EEF2K: variants seen among roughly 807,000 people sequenced by gnomAD.
The protein encoded by EEF2K is eukaryotic elongation factor 2 kinase.
EEF2K carries 70 observed loss-of-function variants against 93.8 expected under a neutral mutation model. The ratio of observed to expected loss-of-function variants is 0.75; its 90% CI spans 0.62 to 0.91. EEF2K has a LOEUF of 0.91. EEF2K is among the 40% of genes least tolerant of loss of function. EEF2K has a pLI of 0.00. For missense variants in EEF2K, 935 were observed against 972.9 expected (o/e 0.96, Z 0.52); for synonymous variants, 376 against 380.8 (o/e 0.99, Z 0.15).
intron 2 of EEF2K, among the ~76,000 whole-genome samples, chr16:22,228,006 C>CTTTTTT (rs1051682997): frequency 1.5e-3 from 118 of 80,040 alleles, no homozygotes; most frequent in Admixed American, 2.0e-3. Context: ...AAACCAAATT[C>CTTTTTT]TTTTTTTTTT....
At chr16:22,263,253 A>C in intron 12 of EEF2K, 66 bp downstream of exon 12, 1 of 1,467,742 alleles carries the variant, frequency 6.8e-7, no homozygotes, top group Non-Finnish European at 9.3e-7. Context: ...AGGAAAATGA[A>C]AACTCCCCTT....
chr16:22,226,748 CTTG>C (rs750353033), intron 2 of EEF2K, among the ~76,000 whole-genome samples: 156 of 152,170 alleles, frequency 1.0e-3, no homozygotes, highest in Non-Finnish European at 1.5e-3. Flanking sequence ...CGCCCAGCCA[CTTG>C]TTGTTAATTT....
chr16:22,237,685 C>T (rs760405171), intron 2 of EEF2K, among the ~76,000 whole-genome samples: 31 of 151,920 alleles, frequency 2.0e-4, no homozygotes, highest in Non-Finnish European at 4.1e-4. Flanking sequence ...TTGATTTACA[C>T]AGGCATTACC....
chr16:22,260,373 G>A (rs1222464845), intron 10 of EEF2K, 89 bp from the exon 11 acceptor site: 3 of 1,274,842 alleles, frequency 2.4e-6, no homozygotes, highest in African/African-American at 1.5e-5. Flanking sequence ...AGGCTTGGTG[G>A]CAGGTATGGA....
At chr16:22,253,747 A>AG (rs765444162) in intron 6 of EEF2K, among the ~76,000 whole-genome samples, 1 of 151,764 alleles carries the variant, frequency 6.6e-6, no homozygotes, top group Non-Finnish European at 1.5e-5. Flanking sequence ...CCCTAAAGGC[A>AG]GAGATTTTAT....
intron 6 of EEF2K, among the ~76,000 whole-genome samples, chr16:22,254,888 A>G (rs1442037096): frequency 6.6e-6 from 1 of 152,098 alleles, no homozygotes; most frequent in Non-Finnish European, 1.5e-5. Flanking sequence ...CCTGGCCAAC[A>G]TGGTAAAACC....
In EEF2K at chr16:22,225,797, A is replaced by G. The variant is rs9935059; in HGVS notation, c.68A>G (p.His23Arg). ...VDGGQSPRAG[H>R]DGDSDGDSDD... is the part of the protein sequence containing the mutation. ...GGCGGCCAGTCCCCCCGAGCTGGCC[A>G]TGATGGTGATTCTGATGGGGACAGC... The change falls in exon 2 of 18, where the codon CAT becomes CGT. Residue 23 changes from histidine (H) to arginine (R), a missense_variant. His to Arg is a conservative substitution (Grantham distance 29, BLOSUM62 0). Coordinates refer to ENST00000263026, the MANE Select transcript of EEF2K (RefSeq NM_013302.5). 170,202 of 1,614,050 alleles carry G rather than the reference A, an allele frequency of 0.11. 12,788 individuals are homozygous for G. The highest frequency in any genetic ancestry group is 0.31 in the African/African-American group (23,436 of 74,984).
intron 1 of EEF2K, among the ~76,000 whole-genome samples, chr16:22,207,845 T>G (rs1366252938): frequency 6.6e-6 from 1 of 151,998 alleles, no homozygotes; most frequent in Non-Finnish European, 1.5e-5. Context: ...GAATGCCCAC[T>G]GTGTGTGTAA....
chr16:22,241,413 G>A (rs2047220476), intron 2 of EEF2K, among the ~76,000 whole-genome samples: 1 of 152,090 alleles, frequency 6.6e-6, no homozygotes, highest in East Asian at 1.9e-4. Flanking sequence ...GGGAGGCCAA[G>A]GCGGGTGGAT....
chr16:22,264,003 G>T (rs1222033636), intron 12 of EEF2K, among the ~76,000 whole-genome samples: 1 of 151,948 alleles, frequency 6.6e-6, no homozygotes, highest in Non-Finnish European at 1.5e-5. Context: ...TGTGAATAAA[G>T]AACATGCTGG....
At chr16:22,251,033 T>C (rs1173035788) in intron 5 of EEF2K, 118 bp from the exon 6 acceptor site, 1 of 1,297,384 alleles carries the variant, frequency 7.7e-7, no homozygotes, top group Admixed American at 2.2e-5. Context: ...CTGCATTTTG[T>C]TCCTGCTGCC....
In EEF2K at chr16:22,263,122, A is replaced by T. The variant is rs1488450415; in HGVS notation, c.1312A>T (p.Ser438Cys). The change falls in exon 12 of 18, where the codon AGT (serine) becomes TGT (cysteine). Residue 438 changes from serine (S) to cysteine (C), a missense_variant. Physicochemically the swap from Ser to Cys is moderately radical, Grantham distance 112. Transcript: ENST00000263026. ...CTTCTCTCCACAGGAGTCTGAGAAT[A>T]GTGGGGACAGCGGATACCCCAGTGA... ...HLDNHRESEN[S>C]GDSGYPSEKR... is the part of the protein sequence containing the mutation. 1 of 1,612,118 alleles carries T rather than the reference A, an allele frequency of 6.2e-7. No homozygotes were observed. Among genetic ancestry groups the T allele is most frequent in the Admixed American group, 1.7e-5 (1 of 59,838 alleles).
At chr16:22,250,515 G>T in intron 4 of EEF2K, 139 bp from the exon 5 acceptor site, 1 of 988,614 alleles carries the variant, frequency 1.0e-6, no homozygotes, top group South Asian at 1.5e-5. Context: ...ATAGAAGGGA[G>T]ATCCCCAGGG....
intron 16 of EEF2K, among the ~76,000 whole-genome samples, chr16:22,276,989 C>T (rs912955604): frequency 2.0e-5 from 3 of 152,024 alleles, no homozygotes; most frequent in African/African-American, 4.8e-5. Context: ...CACTTAAACC[C>T]GGGAGGCAGA....
chr16:22,207,353 T>G (rs953781014), intron 1 of EEF2K, among the ~76,000 whole-genome samples: 1 of 151,956 alleles, frequency 6.6e-6, no homozygotes, highest in Admixed American at 6.5e-5. Flanking sequence ...AGGGGGACGG[T>G]CCCAGGGAGC....
chr16:22,258,943 A>T (rs2047436391), intron 10 of EEF2K: 2 of 425,518 alleles, frequency 4.7e-6, no homozygotes, highest in Non-Finnish European at 8.2e-6. Flanking sequence ...AGCAAAACCT[A>T]TATAATAAAT....
At chr16:22,213,417 C>A (rs1345340048) in intron 1 of EEF2K, among the ~76,000 whole-genome samples, 1 of 152,172 alleles carries the variant, frequency 6.6e-6, no homozygotes, top group Non-Finnish European at 1.5e-5. Flanking sequence ...CATCCCTGGC[C>A]TCTATCCACT....
At position 22,251,223 on chromosome 16, in the gene EEF2K, C is replaced by T. The variant is rs988859957; in HGVS notation, c.519C>T (p.Ile173=). Residue 173 remains isoleucine (I), a synonymous_variant, in exon 6 of 18, where the codon ATC becomes ATT. Transcript: ENST00000263026. ...CCAACTACGTGGCGAAGCGCTACAT[C>T]GAGCCCGTAGACCGGGATGTGTACT... ...GASNYVAKRY[I]EPVDRDVYFE... 5 of 1,613,976 alleles carry T rather than the reference C, an allele frequency of 3.1e-6. No homozygotes were observed. The highest frequency in any genetic ancestry group is 4.2e-6 in the Non-Finnish European group (5 of 1,180,016).
chr16:22,225,590 GGGTC>G (rs2047054359), intron 1 of EEF2K, 60 bp from the exon 2 acceptor site: 2 of 1,310,574 alleles, frequency 1.5e-6, no homozygotes, highest in Non-Finnish European at 2.1e-6. Flanking sequence ...TTTGGGGTGA[GGGTC>G]GGGCGAATTC....
Sources: allele counts gnomAD v4.1 joint callset (sites outside exome capture counted in the v4.1 genomes callset), GRCh38; gene constraint gnomAD v4.1.1; transcripts MANE v1.5; gene names NCBI Gene and HGNC (gene_info 2026-07-23, HGNC 2026-07-21).